The following IL15 variants were observed in gnomAD, a reference collection of about 807,000 sequenced individuals.
The protein encoded by IL15 is interleukin 15.
Under a neutral mutation model 19.6 loss-of-function variants are expected in IL15, and 11 were observed. The ratio of observed to expected loss-of-function variants is 0.56; its 90% CI spans 0.35 to 0.93. The LOEUF is 0.93. IL15 is among the 40% of genes least tolerant of loss of function. The pLI is 0.01. For synonymous variants in IL15, 58 were observed against 59.6 expected (o/e 0.97, Z 0.12); for missense variants, 197 against 186.5 (o/e 1.06, Z -0.33).
chr4:141,697,222 A>G (rs181580437), intron 2 of IL15, among the ~76,000 whole-genome samples: 33 of 152,034 alleles, frequency 2.2e-4, no homozygotes, highest in Non-Finnish European at 4.1e-4. Flanking sequence ...TCATCCCTCT[A>G]TATGTGGTTT....
chr4:141,726,150 A>G (rs1336377971), intron 5 of IL15, among the ~76,000 whole-genome samples: 2 of 152,150 alleles, frequency 1.3e-5, no homozygotes. Context: ...ATTAAGTTTC[A>G]ATCTGAATTT....
chr4:141,670,177 A>C (rs1325647077), intron 2 of IL15, among the ~76,000 whole-genome samples: 1 of 151,984 alleles, frequency 6.6e-6, no homozygotes, highest in Non-Finnish European at 1.5e-5. Context: ...TTCTAATTTC[A>C]TAATTCTGTG....
chr4:141,701,486 A>G (rs1305317189), intron 2 of IL15, among the ~76,000 whole-genome samples: 6 of 152,234 alleles, frequency 3.9e-5, no homozygotes, highest in African/African-American at 9.6e-5. Flanking sequence ...ACTGTCTCCT[A>G]TGGAGTTGGA....
intron 1 of IL15, among the ~76,000 whole-genome samples, chr4:141,643,675 A>G (rs1048106993): frequency 1.3e-5 from 2 of 151,958 alleles, no homozygotes; most frequent in Non-Finnish European, 2.9e-5. Flanking sequence ...TAATTTCCCT[A>G]ACATGTAAAT....
intron 2 of IL15, among the ~76,000 whole-genome samples, chr4:141,704,306 T>TTG (rs1729434726): frequency 6.6e-6 from 1 of 152,206 alleles, no homozygotes; most frequent in Non-Finnish European, 1.5e-5. Flanking sequence ...CATCTGGATT[T>TTG]TGTTTTTCTT....
At chr4:141,687,164 G>A (rs2152175226) in intron 2 of IL15, among the ~76,000 whole-genome samples, 1 of 152,328 alleles carries the variant, frequency 6.6e-6, no homozygotes, top group East Asian at 1.9e-4. Flanking sequence ...ACAGGCCAGT[G>A]CCTTGGCAGT....
At chr4:141,651,706 T>A (rs997371435) in intron 1 of IL15, among the ~76,000 whole-genome samples, 1 of 152,120 alleles carries the variant, frequency 6.6e-6, no homozygotes, top group Non-Finnish European at 1.5e-5. Context: ...GATATACATA[T>A]ATATTCGGTA....
chr4:141,711,408 G>C (rs1729714026), intron 2 of IL15, among the ~76,000 whole-genome samples: 1 of 152,066 alleles, frequency 6.6e-6, no homozygotes, highest in Non-Finnish European at 1.5e-5. Context: ...GTGACTGGCT[G>C]GGCCACCTTC....
intron 2 of IL15, among the ~76,000 whole-genome samples, chr4:141,675,638 T>C (rs1728317274): frequency 6.6e-6 from 1 of 152,122 alleles, no homozygotes; most frequent in South Asian, 2.1e-4. Flanking sequence ...CTGGAAGTGC[T>C]TCCAAGAAAC....
chr4:141,654,855 T>C (rs991141315), intron 1 of IL15, among the ~76,000 whole-genome samples: 1 of 152,138 alleles, frequency 6.6e-6, no homozygotes, highest in African/African-American at 2.4e-5. Flanking sequence ...TTGTTGGGTG[T>C]TTGCTGGAGA....
intron 2 of IL15, among the ~76,000 whole-genome samples, chr4:141,660,753 A>G (rs1727760142): frequency 6.6e-6 from 1 of 152,160 alleles, no homozygotes; most frequent in South Asian, 2.1e-4. Flanking sequence ...CTAATTGTTG[A>G]TTATTATAAA....
chr4:141,671,834 G>T (rs1231714873), intron 2 of IL15, among the ~76,000 whole-genome samples: 1 of 152,152 alleles, frequency 6.6e-6, no homozygotes, highest in Non-Finnish European at 1.5e-5. Context: ...TTTAAGGGGA[G>T]GGAAGAGAGA....
chr4:141,694,337 G>A (rs1310682753), intron 2 of IL15, among the ~76,000 whole-genome samples: 1 of 152,188 alleles, frequency 6.6e-6, no homozygotes, highest in Non-Finnish European at 1.5e-5. Context: ...ATTAAGGGTT[G>A]GTTCTCTTGA....
At chr4:141,649,510 C>G (rs1454466046) in intron 1 of IL15, among the ~76,000 whole-genome samples, 3 of 151,826 alleles carry the variant, frequency 2.0e-5, no homozygotes, top group African/African-American at 7.3e-5. Flanking sequence ...CTTGCTGGTG[C>G]AATTAATAAG....
chr4:141,673,688 C>T (rs1470771586), intron 2 of IL15, among the ~76,000 whole-genome samples: 9 of 152,122 alleles, frequency 5.9e-5, no homozygotes. Context: ...TTTCAACTCA[C>T]CTTCTGTAGT....
At chr4:141,651,675 A>G (rs1357880275) in intron 1 of IL15, among the ~76,000 whole-genome samples, 1 of 152,044 alleles carries the variant, frequency 6.6e-6, no homozygotes, top group African/African-American at 2.4e-5. Flanking sequence ...ATAATTTTCT[A>G]TATTGTATTC....
intron 2 of IL15, among the ~76,000 whole-genome samples, chr4:141,705,632 A>AT (rs974536386): frequency 7.9e-5 from 12 of 152,010 alleles, no homozygotes; most frequent in East Asian, 5.8e-4. Flanking sequence ...TTCTTTGTTG[A>AT]TTTTTTGTCT....
chr4:141,678,658 G>A (rs112454821), intron 2 of IL15, among the ~76,000 whole-genome samples: 3,574 of 147,336 alleles, frequency 0.024, 148 homozygotes, highest in African/African-American at 0.084. Flanking sequence ...CTAGAGTGCA[G>A]TGGCATGATC....
intron 1 of IL15, among the ~76,000 whole-genome samples, chr4:141,650,987 A>G (rs145675865): frequency 0.016 from 2,403 of 152,160 alleles, 19 homozygotes; most frequent in Middle Eastern, 0.048. Context: ...GAAGTTCTCA[A>G]TCTCAATTTT....
Sources: gnomAD v4.1 joint callset for allele counts (sites outside exome capture counted in the v4.1 genomes callset) on GRCh38, gnomAD v4.1.1 for gene constraint, MANE v1.5 for transcripts, NCBI Gene and HGNC (gene_info 2026-07-23, HGNC 2026-07-21) for gene names.